The following ANO4 variants were observed in gnomAD, a reference collection of about 807,000 sequenced individuals.
ANO4 encodes anoctamin 4.
Under a neutral mutation model 141.9 loss-of-function variants are expected in ANO4, and 69 were observed. That is an observed-to-expected ratio of 0.49 (90% CI 0.40 to 0.59). The LOEUF is 0.59. ANO4 is among the 20% of genes least tolerant of loss of function. The pLI is 0.00. For missense variants in ANO4, 894 were observed against 1,162.2 expected (o/e 0.77, Z 3.36); for synonymous variants, 350 against 394.3 (o/e 0.89, Z 1.33).
intron 1 of ANO4, among the ~76,000 whole-genome samples, chr12:100,825,487 C>T (rs2036281615): frequency 6.6e-6 from 1 of 151,952 alleles, no homozygotes; most frequent in African/African-American, 2.4e-5. Flanking sequence ...TCCAAAATGG[C>T]ACCACACTGC....
chr12:101,042,694 C>T (rs879028391), intron 12 of ANO4, among the ~76,000 whole-genome samples: 2 of 152,180 alleles, frequency 1.3e-5, no homozygotes, highest in Non-Finnish European at 2.9e-5. Flanking sequence ...TTCAGACATA[C>T]AAGCCACTAT....
intron 24 of ANO4, among the ~76,000 whole-genome samples, chr12:101,116,400 A>G: frequency 6.6e-6 from 1 of 152,208 alleles, no homozygotes; most frequent in Non-Finnish European, 1.5e-5. Context: ...CCATCATGTA[A>G]TGCTGCTTTT....
intron 1 of ANO4, among the ~76,000 whole-genome samples, chr12:100,795,782 T>C (rs2034271470): frequency 6.6e-6 from 1 of 152,140 alleles, no homozygotes. Flanking sequence ...TACTTTGAGG[T>C]TATTAGAATG....
intron 1 of ANO4, among the ~76,000 whole-genome samples, chr12:100,879,414 G>T (rs1272908984): frequency 6.6e-6 from 1 of 152,278 alleles, no homozygotes; most frequent in Middle Eastern, 3.4e-3. Flanking sequence ...GGGGATTAGG[G>T]ATTGGATTAG....
intron 3 of ANO4, among the ~76,000 whole-genome samples, chr12:100,783,369 T>C (rs1399454): frequency 0.83 from 126,471 of 152,156 alleles, 52,732 homozygotes; most frequent in African/African-American, 0.87. Context: ...TTTTCATTCC[T>C]ACCATAACTA....
In ANO4 at chr12:100,729,359, T is replaced by TC. The variant is rs1466911051; in HGVS notation, c.23-4414dup. Among the ~76,000 whole-genome samples, 13 of 5,600 alleles carry TC rather than the reference T, an allele frequency of 2.3e-3. No homozygotes were observed. In the East Asian group the frequency reaches 0.17, roughly 72 times the overall value. The allele number at this position is 5,600 out of a possible 152,430, so 3.7% of individuals were successfully genotyped here. ...ATAAAAGCAAGGGCAAAACTCTGTCTCAAAAAAAAAAAAAAAAAAAAAAAA... is the reference window on the plus strand; with the variant it reads ...ATAAAAGCAAGGGCAAAACTCTGTCTCCAAAAAAAAAAAAAAAAAAAAAAAA... On this transcript the variant is annotated intron_variant, in intron 1 of 29. Coordinates refer to the ANO4 transcript ENST00000644049.
Position 101,028,553 on chromosome 12 carries a change from T to G in ANO4, c.841+8413T>G, listed in dbSNP as rs117796662. The stretch of plus-strand genomic sequence containing the variant: ...CATACACAAGTATCAGTAGCTGAAT[T>G]GACCAAGAGGAAGAAAGGATATCAG... On this transcript the variant is annotated intron_variant, in intron 9 of 27. Coordinates refer to ENST00000392977, the MANE Select transcript of ANO4 (RefSeq NM_001286615.2). Among the ~76,000 whole-genome samples, 303 of 152,202 alleles carry G rather than the reference T, an allele frequency of 2.0e-3. 4 individuals are homozygous for G. In the South Asian group the frequency reaches 0.032, roughly 16 times the overall value.
At chr12:100,840,619 C>G in intron 1 of ANO4, among the ~76,000 whole-genome samples, 1 of 152,090 alleles carries the variant, frequency 6.6e-6, no homozygotes, top group Non-Finnish European at 1.5e-5. Context: ...GAATTAGGAA[C>G]AAAATAAACC....
At chr12:101,075,804 A>G (rs766205891) in intron 14 of ANO4, among the ~76,000 whole-genome samples, 7 of 151,656 alleles carry the variant, frequency 4.6e-5, no homozygotes, top group Non-Finnish European at 7.4e-5. Flanking sequence ...TGAGCTCATG[A>G]CATAAGACAG....
Position 100,901,824 on chromosome 12 carries a change from C to G in ANO4, c.39C>G (p.Thr13=), listed in dbSNP as rs34182255. The change falls in exon 2 of 28, where the codon ACC becomes ACG. Residue 13 remains threonine, a synonymous_variant. Coordinates refer to ENST00000392977, the MANE Select transcript of ANO4 (RefSeq NM_001286615.2). ...ASSSGITNGK[T]KVFHPEGGVD... ...CTTCTGGAATCACTAATGGAAAAACCAAAGTCTTCCACCCAGGTGATGCAT... is the reference window on the plus strand; with the variant it reads ...CTTCTGGAATCACTAATGGAAAAACGAAAGTCTTCCACCCAGGTGATGCAT... The G allele has an allele frequency of 0.08, 128,893 of 1,608,634 alleles. 7,367 individuals carry two copies. Among genetic ancestry groups the G allele is most frequent in the African/African-American group, 0.29 (21,285 of 74,626 alleles).
chr12:100,783,648 C>G (rs1173943578), intron 3 of ANO4, among the ~76,000 whole-genome samples: 1 of 152,044 alleles, frequency 6.6e-6, no homozygotes, highest in Non-Finnish European at 1.5e-5. Context: ...TTTATAAAAT[C>G]TAAGGGTGGC....
At chr12:100,747,667 G>T (rs1350054386) in intron 3 of ANO4, among the ~76,000 whole-genome samples, 2 of 152,184 alleles carry the variant, frequency 1.3e-5, no homozygotes, top group Non-Finnish European at 2.9e-5. Context: ...AAGGTCAGGA[G>T]TTCGAGATCA....
At chr12:100,938,297 G>T (rs932516777) in intron 3 of ANO4, among the ~76,000 whole-genome samples, 1 of 152,190 alleles carries the variant, frequency 6.6e-6, no homozygotes, top group African/African-American at 2.4e-5. Context: ...TGCCACAAGG[G>T]CAGGAAGCCA....
intron 1 of ANO4, among the ~76,000 whole-genome samples, chr12:100,848,417 C>A (rs1237729462): frequency 6.6e-6 from 1 of 152,120 alleles, no homozygotes; most frequent in African/African-American, 2.4e-5. Context: ...AATCACCAGG[C>A]AAACTTTTAA....
At chr12:100,998,737 CACTA>C (rs2045505313) in intron 8 of ANO4, among the ~76,000 whole-genome samples, 1 of 152,224 alleles carries the variant, frequency 6.6e-6, no homozygotes, top group African/African-American at 2.4e-5. Flanking sequence ...AGCTCTCTCA[CACTA>C]GCCAGCTATG....
At chr12:101,072,755 A>AG (rs139830179) in intron 14 of ANO4, among the ~76,000 whole-genome samples, 5 of 151,686 alleles carry the variant, frequency 3.3e-5, no homozygotes, top group African/African-American at 1.2e-4. Flanking sequence ...GGAAAAAAAA[A>AG]CATCAAAAAG....
chr12:100,856,984 ACTT>A (rs896818987), intron 1 of ANO4, among the ~76,000 whole-genome samples: 14 of 152,196 alleles, frequency 9.2e-5, no homozygotes, highest in East Asian at 5.8e-4. Context: ...TCTCTGGTAG[ACTT>A]CTTCTTTCTT....
chr12:101,078,297 G>A (rs1358925528), intron 14 of ANO4, among the ~76,000 whole-genome samples: 2 of 151,310 alleles, frequency 1.3e-5, no homozygotes, highest in Admixed American at 6.6e-5. Flanking sequence ...TATCCTTATA[G>A]TCATTCTCAG....
At chr12:100,833,999 C>A (rs2036769266) in intron 1 of ANO4, among the ~76,000 whole-genome samples, 1 of 151,956 alleles carries the variant, frequency 6.6e-6, no homozygotes, top group Admixed American at 6.6e-5. Flanking sequence ...AAAGAGAGGA[C>A]CTTTTGGGAG....
Sources: gnomAD v4.1 joint callset for allele counts (sites outside exome capture counted in the v4.1 genomes callset) on GRCh38, gnomAD v4.1.1 for gene constraint, MANE v1.5 for transcripts, NCBI Gene and HGNC (gene_info 2026-07-23, HGNC 2026-07-21) for gene names.